Variants in PRIM2 observed in about 807,000 individuals in gnomAD.
The protein encoded by PRIM2 is DNA primase subunit 2.
PRIM2 carries 39 observed loss-of-function variants against 67.3 expected under a neutral mutation model. The observed-to-expected ratio is 0.58, with a 90% CI of 0.45 to 0.76. PRIM2 has a LOEUF of 0.76. Among genes scored for constraint, PRIM2 ranks in the 30% least tolerant of loss-of-function variants. PRIM2 has a pLI of 0.00. For missense variants in PRIM2, 398 were observed against 598.7 expected, an observed-to-expected ratio of 0.66 and a Z score of 3.50; for synonymous variants, 143 against 198.7, an observed-to-expected ratio of 0.72 and a Z score of 2.36.
chr6:57,464,083 G>A (rs35233178), intron 7 of PRIM2, among the ~76,000 whole-genome samples: 1 of 151,870 alleles, frequency 6.6e-6, no homozygotes, highest in Non-Finnish European at 1.5e-5. Flanking sequence ...CTCACTTTCC[G>A]GGTCTTCCCT....
chr6:57,425,138 TTA>T (rs1170091162), intron 7 of PRIM2, among the ~76,000 whole-genome samples: 1 of 152,236 alleles, frequency 6.6e-6, no homozygotes, highest in African/African-American at 2.4e-5. Flanking sequence ...CTAGTTTTTA[TTA>T]TGCAGCGTGT....
rs1581844137 is a variant in PRIM2, at chr6:57,378,451, A to G, written c.460-1450A>G. Among the ~76,000 whole-genome samples, 3 of 152,246 alleles carry G rather than the reference A, an allele frequency of 2.0e-5. No homozygotes were observed. The South Asian group carries it at 6.2e-4, about 32-fold the overall frequency. ...CTTTTATTTCTGTACACATGGTAGC[A>G]TAGTTATTATCTGTAAACTTTGTGA... On this transcript the variant is annotated intron_variant, in intron 5 of 13. Transcript: ENST00000615550.
chr6:57,642,600 G>A (rs1777263290), intron 13 of PRIM2, among the ~76,000 whole-genome samples: 1 of 151,204 alleles, frequency 6.6e-6, no homozygotes, highest in Non-Finnish European at 1.5e-5. Flanking sequence ...GCGCCACCAT[G>A]CCCGGCTAAT....
the PRIM2 span, among the ~76,000 whole-genome samples, chr6:57,226,520 A>C: frequency 2.6e-5 from 4 of 152,242 alleles, no homozygotes; most frequent in Non-Finnish European, 4.4e-5. Context: ...AACAGTGGTG[A>C]GGGAAGCAGG....
At chr6:57,288,123 T>A in the PRIM2 span, among the ~76,000 whole-genome samples, 1 of 152,202 alleles carries the variant, frequency 6.6e-6, no homozygotes, top group Admixed American at 6.5e-5. Flanking sequence ...GAAATTCCCT[T>A]CCATGCCTGG....
At chr6:57,434,295 G>A (rs1581900510) in intron 7 of PRIM2, among the ~76,000 whole-genome samples, 1 of 152,010 alleles carries the variant, frequency 6.6e-6, no homozygotes, top group East Asian at 1.9e-4. Flanking sequence ...CACATGTAAA[G>A]CACTTAGAAC....
chr6:57,506,886 C>T (rs1774262076), intron 7 of PRIM2, among the ~76,000 whole-genome samples: 1 of 151,900 alleles, frequency 6.6e-6, no homozygotes, highest in African/African-American at 2.4e-5. Flanking sequence ...AAAAGATATC[C>T]TTGGTTCCTT....
chr6:57,574,172 C>T (rs1218909279), intron 10 of PRIM2, among the ~76,000 whole-genome samples: 2 of 152,190 alleles, frequency 1.3e-5, no homozygotes, highest in Non-Finnish European at 2.9e-5. Flanking sequence ...AAATAAGGTG[C>T]CAATCCAGCT....
At chr6:57,333,047 G>C (rs114263602) in intron 5 of PRIM2, among the ~76,000 whole-genome samples, 3 of 151,620 alleles carry the variant, frequency 2.0e-5, no homozygotes, top group Admixed American at 1.3e-4. Context: ...TATTTTCTTC[G>C]TGGTTTCCCT....
At chr6:57,469,644 G>T (rs1773290151) in intron 7 of PRIM2, among the ~76,000 whole-genome samples, 1 of 152,124 alleles carries the variant, frequency 6.6e-6, no homozygotes, top group African/African-American at 2.4e-5. Context: ...AGCAATGAGA[G>T]TCAAGGTCTT....
At chr6:57,461,748 G>A (rs993642202) in intron 7 of PRIM2, among the ~76,000 whole-genome samples, 3 of 152,138 alleles carry the variant, frequency 2.0e-5, no homozygotes, top group Non-Finnish European at 2.9e-5. Context: ...TCCCAGAATC[G>A]AATTAGCTAG....
chr6:57,263,276 TA>T, the PRIM2 span, among the ~76,000 whole-genome samples: 1 of 152,224 alleles, frequency 6.6e-6, no homozygotes, highest in Non-Finnish European at 1.5e-5. Flanking sequence ...AGAATTGGCT[TA>T]AAACAACAAA....
the PRIM2 span, among the ~76,000 whole-genome samples, chr6:57,241,012 C>T: frequency 1.3e-5 from 2 of 151,890 alleles, no homozygotes; most frequent in East Asian, 3.9e-4. Flanking sequence ...ATCACGAGGT[C>T]AGGAGATCGA....
intron 7 of PRIM2, among the ~76,000 whole-genome samples, chr6:57,388,483 A>C (rs1770224095): frequency 6.6e-6 from 1 of 152,226 alleles, no homozygotes; most frequent in Non-Finnish European, 1.5e-5. Flanking sequence ...GAGCTTAAGC[A>C]TAGTGAAAAT....
chr6:57,431,945 G>T (rs1771844466), intron 7 of PRIM2, among the ~76,000 whole-genome samples: 1 of 152,160 alleles, frequency 6.6e-6, no homozygotes, highest in East Asian at 1.9e-4. Flanking sequence ...GGCTGAAAGG[G>T]AGTGAAACTG....
intron 13 of PRIM2, among the ~76,000 whole-genome samples, chr6:57,645,563 A>C (rs1440170916): frequency 2.0e-5 from 3 of 150,622 alleles, no homozygotes; most frequent in African/African-American, 7.3e-5. Flanking sequence ...TGGTGATACC[A>C]ATCACTGAGA....
intron 7 of PRIM2, among the ~76,000 whole-genome samples, chr6:57,452,767 G>A (rs555052171): frequency 2.1e-5 from 2 of 94,010 alleles, no homozygotes; most frequent in African/African-American, 3.9e-5. Flanking sequence ...TTCTTTTGCT[G>A]TGCAGAAGCT....
At chr6:57,552,387 G>A (rs1775422255) in intron 10 of PRIM2, among the ~76,000 whole-genome samples, 1 of 151,968 alleles carries the variant, frequency 6.6e-6, no homozygotes, top group African/African-American at 2.4e-5. Flanking sequence ...TTGCTCTCAA[G>A]TCTTTGATCC....
intron 5 of PRIM2, among the ~76,000 whole-genome samples, chr6:57,337,115 G>A (rs201015169): frequency 1.1e-4 from 16 of 152,276 alleles, no homozygotes; most frequent in East Asian, 5.8e-4. Flanking sequence ...GACAAAGCAC[G>A]CCATTACATA....
Sources: allele counts gnomAD v4.1 joint callset (sites outside exome capture counted in the v4.1 genomes callset), GRCh38; gene constraint gnomAD v4.1.1; transcripts MANE v1.5; gene names NCBI Gene and HGNC (gene_info 2026-07-23, HGNC 2026-07-21).